The following SGCD variants were observed in gnomAD, a reference collection of about 807,000 sequenced individuals.
The protein encoded by SGCD is sarcoglycan delta.
SGCD carries 18 observed loss-of-function variants against 36.6 expected under a neutral mutation model. That is an observed-to-expected ratio of 0.49 (90% CI 0.34 to 0.73). The LOEUF is 0.73. Ranked by LOEUF, SGCD falls within the 30% of genes least tolerant of loss-of-function variation. The pLI, the probability that SGCD is intolerant of heterozygous loss-of-function variation, is 0.01. For missense variants in SGCD, 387 were observed against 346.7 expected, an observed-to-expected ratio of 1.12 and a Z score of -0.92; for synonymous variants, 133 against 130.6, an observed-to-expected ratio of 1.02 and a Z score of -0.12.
At chr5:156,568,403 T>A (rs1462778090) in intron 4 of SGCD, among the ~76,000 whole-genome samples, 1 of 151,978 alleles carries the variant, frequency 6.6e-6, no homozygotes, top group Non-Finnish European at 1.5e-5. Flanking sequence ...AAATAAAGAC[T>A]CAGGTAGCTG....
At chr5:156,091,464 G>T (rs7707018) in intron 1 of SGCD, among the ~76,000 whole-genome samples, 1 of 151,996 alleles carries the variant, frequency 6.6e-6, no homozygotes. Context: ...GTCAGAGCAT[G>T]AGTTTCTATT....
the SGCD span, among the ~76,000 whole-genome samples, chr5:155,746,054 T>C: frequency 2.6e-5 from 4 of 152,196 alleles, no homozygotes; most frequent in East Asian, 7.7e-4. Flanking sequence ...TTGTTTATAA[T>C]AGCAAGAAAA....
chr5:155,758,786 G>A, the SGCD span, among the ~76,000 whole-genome samples: 1 of 152,126 alleles, frequency 6.6e-6, no homozygotes, highest in African/African-American at 2.4e-5. Flanking sequence ...CACAAAACTG[G>A]TCCTTGGTGC....
At chr5:156,708,371 C>T (rs1367552929) in intron 7 of SGCD, among the ~76,000 whole-genome samples, 1 of 151,144 alleles carries the variant, frequency 6.6e-6, no homozygotes. Flanking sequence ...AAGGACATTT[C>T]ATAGAGTTCA....
chr5:155,872,666 AT>A (rs1416177977), intron 1 of SGCD, among the ~76,000 whole-genome samples: 1 of 152,130 alleles, frequency 6.6e-6, no homozygotes, highest in Admixed American at 6.6e-5. Context: ...TAAATTTTTT[AT>A]TAAGTACTTC....
intron 3 of SGCD, among the ~76,000 whole-genome samples, chr5:156,487,287 G>A (rs1490110585): frequency 6.6e-6 from 1 of 152,072 alleles, no homozygotes; most frequent in Non-Finnish European, 1.5e-5. Context: ...TCACACTACT[G>A]CACCTACCCA....
chr5:155,897,593 A>G (rs569506166), intron 1 of SGCD, among the ~76,000 whole-genome samples: 6 of 152,214 alleles, frequency 3.9e-5, no homozygotes, highest in South Asian at 2.1e-4. Context: ...ACACAAACAC[A>G]TTATAAAGTT....
At chr5:156,585,289 A>G (rs913528924) in intron 4 of SGCD, among the ~76,000 whole-genome samples, 2 of 152,222 alleles carry the variant, frequency 1.3e-5, no homozygotes, top group African/African-American at 2.4e-5. Flanking sequence ...TAACTGTACT[A>G]TAGTATTGTT....
At chr5:156,396,760 A>G (rs1262127910) in intron 3 of SGCD, among the ~76,000 whole-genome samples, 1 of 152,220 alleles carries the variant, frequency 6.6e-6, no homozygotes, top group African/African-American at 2.4e-5. Flanking sequence ...AGTATATGGC[A>G]GGCCTGCTAA....
intron 7 of SGCD, among the ~76,000 whole-genome samples, chr5:156,655,209 C>A (rs903139512): frequency 2.6e-5 from 4 of 152,100 alleles, no homozygotes; most frequent in Non-Finnish European, 5.9e-5. Flanking sequence ...TATACATGTT[C>A]CTTACCTAAT....
In SGCD at chr5:156,476,532, T is replaced by A. The variant is rs191448143; in HGVS notation, c.193-32069T>A. Among the ~76,000 whole-genome samples, 3 of 152,364 alleles carry A rather than the reference T, an allele frequency of 2.0e-5. No individual in the cohort carries two copies. In the East Asian group the frequency reaches 5.8e-4, roughly 29 times the overall value. On this transcript the variant is annotated intron_variant, in intron 3 of 8. Transcript: ENST00000337851. Reference sequence around the variant, plus strand: ...CCATAACAGACTTAAAATTTAAGACTTTTAAAGCGAAGCATTTGAAATAAA... The same window carrying A: ...CCATAACAGACTTAAAATTTAAGACATTTAAAGCGAAGCATTTGAAATAAA...
chr5:155,773,278 T>A, the SGCD span, among the ~76,000 whole-genome samples: 2 of 152,192 alleles, frequency 1.3e-5, no homozygotes, highest in African/African-American at 4.8e-5. Flanking sequence ...CTTTATGCCA[T>A]ACCTTGCTCC....
At chr5:155,948,495 G>A (rs2113425009) in intron 1 of SGCD, among the ~76,000 whole-genome samples, 1 of 152,230 alleles carries the variant, frequency 6.6e-6, no homozygotes, top group South Asian at 2.1e-4. Context: ...AAATTATACT[G>A]ATTTTGTTTG....
chr5:156,583,052 G>C (rs1455961632), intron 4 of SGCD, among the ~76,000 whole-genome samples: 1 of 152,168 alleles, frequency 6.6e-6, no homozygotes, highest in Non-Finnish European at 1.5e-5. Context: ...AGTCAACATG[G>C]AAATGCACAG....
At chr5:156,364,331 G>GT (rs1769973232) in intron 3 of SGCD, among the ~76,000 whole-genome samples, 1 of 151,460 alleles carries the variant, frequency 6.6e-6, no homozygotes, top group Non-Finnish European at 1.5e-5. Context: ...AAAGGACCAT[G>GT]TTTTTGGTGC....
In SGCD at chr5:156,694,333, A is replaced by G. The variant is rs191281649; in HGVS notation, c.575+46797A>G. On this transcript the variant is annotated intron_variant, in intron 7 of 8. Coordinates refer to ENST00000337851, the MANE Select transcript of SGCD (RefSeq NM_000337.6). Reference sequence around the variant, plus strand: ...TCCTCTGCCTTCTCTTTGCCTTGGTATTCAGCATTCACTGACAGTTCCTTT... The same window carrying G: ...TCCTCTGCCTTCTCTTTGCCTTGGTGTTCAGCATTCACTGACAGTTCCTTT... Among the ~76,000 whole-genome samples, 309 of 152,344 alleles carry G rather than the reference A, an allele frequency of 2.0e-3. 1 individual carries two copies. The highest frequency in any genetic ancestry group is 7.3e-3 in the African/African-American group (305 of 41,586).
chr5:155,787,999 A>G, the SGCD span, among the ~76,000 whole-genome samples: 4 of 152,194 alleles, frequency 2.6e-5, no homozygotes, highest in Admixed American at 2.6e-4. Flanking sequence ...GGAAAATTTG[A>G]AAAATAATTC....
intron 3 of SGCD, among the ~76,000 whole-genome samples, chr5:156,409,004 G>A (rs1772591488): frequency 6.6e-6 from 1 of 152,086 alleles, no homozygotes; most frequent in African/African-American, 2.4e-5. Flanking sequence ...CCTGGAAGTA[G>A]GAAGACAAAA....
chr5:156,505,270 T>C (rs256822), intron 3 of SGCD, among the ~76,000 whole-genome samples: 23,443 of 152,128 alleles, frequency 0.15, 2,264 homozygotes, highest in East Asian at 0.23. Flanking sequence ...CCCAGTTGGG[T>C]TCTCTTGGCA....
Sources: gnomAD v4.1 joint callset for allele counts (sites outside exome capture counted in the v4.1 genomes callset) on GRCh38, gnomAD v4.1.1 for gene constraint, MANE v1.5 for transcripts, NCBI Gene and HGNC (gene_info 2026-07-23, HGNC 2026-07-21) for gene names.